The following TBX15 variants were observed in gnomAD, a reference collection of about 807,000 sequenced individuals.
TBX15 encodes T-box transcription factor 15.
Under a neutral mutation model 53.9 loss-of-function variants are expected in TBX15, and 18 were observed. The ratio of observed to expected loss-of-function variants is 0.33; its 90% CI spans 0.23 to 0.49. TBX15 has a LOEUF of 0.49. Ranked by LOEUF, TBX15 falls within the 20% of genes least tolerant of loss-of-function variation. TBX15 has a pLI of 0.98. For missense variants in TBX15, 692 were observed against 749.5 expected, an observed-to-expected ratio of 0.92 and a Z score of 0.90; for synonymous variants, 295 against 278.0, an observed-to-expected ratio of 1.06 and a Z score of -0.61.
chr1:118,973,420 G>A (rs1657302795), intron 1 of TBX15, among the ~76,000 whole-genome samples: 1 of 151,312 alleles, frequency 6.6e-6, no homozygotes, highest in Admixed American at 6.6e-5. Context: ...ACACTACAGG[G>A]TTAGTACTCA....
intron 1 of TBX15, among the ~76,000 whole-genome samples, chr1:118,942,556 C>A (rs1410568141): frequency 6.6e-6 from 1 of 152,044 alleles, no homozygotes; most frequent in East Asian, 1.9e-4. Flanking sequence ...CAATGAAATC[C>A]CTATTAAGTC....
intron 1 of TBX15, among the ~76,000 whole-genome samples, chr1:118,961,659 T>A (rs1656876684): frequency 6.6e-6 from 1 of 152,178 alleles, no homozygotes. Flanking sequence ...GAAAAGTGAT[T>A]TGCTCAAAAT....
intron 1 of TBX15, among the ~76,000 whole-genome samples, chr1:118,982,217 A>C (rs553212692): frequency 8.5e-5 from 13 of 152,228 alleles, no homozygotes; most frequent in Non-Finnish European, 1.9e-4. Context: ...GCTTTAAAAA[A>C]CAAAAAACAA....
Position 118,904,979 on chromosome 1 carries a change from G to A in TBX15, c.927-5854C>T, listed in dbSNP as rs1012124773. Among the ~76,000 whole-genome samples, 8 of 152,186 alleles carry A rather than the reference G, an allele frequency of 5.3e-5. No homozygotes were observed. The South Asian group carries it at 1.2e-3, about 24-fold the overall frequency. ...AATCATAATACTTCCTCCTAACTGT[G>A]ATTTAATAAATGCAGACTGATTAAA... is the stretch of plus-strand genomic sequence containing the variant. On this transcript the variant is annotated intron_variant, in intron 6 of 7. Coordinates refer to ENST00000369429, the MANE Select transcript of TBX15 (RefSeq NM_001330677.2).
Position 118,968,830 on chromosome 1 carries a change from T to C in TBX15, c.205+18761A>G, listed in dbSNP as rs373927718. 1.8e-4 allele frequency among the ~76,000 whole-genome samples: 27 copies of C among 152,198 alleles called. No homozygotes were observed. The South Asian group carries it at 5.6e-3, about 32-fold the overall frequency. Reference sequence around the variant, plus strand: ...GAGCCAGGCACAGGGAGCTTCCCTGTTTACCTAGACCCTCTTTTTGAGGAG... The same window carrying C: ...GAGCCAGGCACAGGGAGCTTCCCTGCTTACCTAGACCCTCTTTTTGAGGAG... On this transcript the variant is annotated intron_variant, in intron 1 of 7. Coordinates refer to ENST00000369429, the MANE Select transcript of TBX15 (RefSeq NM_001330677.2).
intron 1 of TBX15, among the ~76,000 whole-genome samples, chr1:118,934,000 A>G (rs1330998761): frequency 1.3e-5 from 2 of 152,148 alleles, no homozygotes; most frequent in Non-Finnish European, 2.9e-5. Context: ...ACACTAAGAG[A>G]TAAGTATTAA....
At chr1:118,926,325 G>T (rs571156726) in intron 3 of TBX15, among the ~76,000 whole-genome samples, 185 bp downstream of exon 3, 7 of 152,124 alleles carry the variant, frequency 4.6e-5, no homozygotes, top group Admixed American at 6.5e-5. Context: ...AGAGACACAG[G>T]GGGGAATCCC....
intron 1 of TBX15, among the ~76,000 whole-genome samples, chr1:118,939,438 A>AAAAAAAAAAAAAAAAAAAAAAAC (rs1322098738): frequency 1.4e-5 from 1 of 71,124 alleles, no homozygotes; most frequent in Non-Finnish European, 2.7e-5. Flanking sequence ...AAAAAAAAAC[A>AAAAAAAAAAAAAAAAAAAAAAAC]AAAACAGGAA....
At chr1:118,965,710 C>T (rs548469544) in intron 1 of TBX15, among the ~76,000 whole-genome samples, 2 of 152,270 alleles carry the variant, frequency 1.3e-5, no homozygotes, top group Non-Finnish European at 2.9e-5. Context: ...GAAAGATCCA[C>T]ACGATGGAAT....
intron 1 of TBX15, among the ~76,000 whole-genome samples, chr1:118,940,382 C>A (rs76843091): frequency 0.014 from 2,189 of 152,024 alleles, 84 homozygotes; most frequent in African/African-American, 0.051. Context: ...ATGTGACAGA[C>A]ACTGAAGATC....
At chr1:118,885,553 C>CA in intron 7 of TBX15, 37 bp from the exon 8 acceptor site, 1 of 1,551,194 alleles carries the variant, frequency 6.4e-7, no homozygotes, top group African/African-American at 1.4e-5. Context: ...GAGACAGAGT[C>CA]TTTTAAGATG....
intron 7 of TBX15, among the ~76,000 whole-genome samples, chr1:118,897,605 C>G (rs995922766): frequency 6.6e-6 from 1 of 152,140 alleles, no homozygotes; most frequent in East Asian, 1.9e-4. Flanking sequence ...AAAATTATCC[C>G]TCTTTTGTAG....
At chr1:118,978,838 C>CA (rs771163581) in intron 1 of TBX15, among the ~76,000 whole-genome samples, 13 of 152,086 alleles carry the variant, frequency 8.5e-5, no homozygotes, top group Non-Finnish European at 1.8e-4. Context: ...CCTTTGATGC[C>CA]AAAAAATATC....
At chr1:118,901,071 C>A (rs899797489) in intron 6 of TBX15, among the ~76,000 whole-genome samples, 7 of 152,114 alleles carry the variant, frequency 4.6e-5, no homozygotes, top group Non-Finnish European at 1.0e-4. Context: ...TGATACACTG[C>A]CAATATTTTA....
At chr1:118,952,745 C>A (rs2101659318) in intron 1 of TBX15, among the ~76,000 whole-genome samples, 1 of 152,282 alleles carries the variant, frequency 6.6e-6, no homozygotes, top group Non-Finnish European at 1.5e-5. Context: ...ATAATAGTAA[C>A]TCTTTGACTC....
chr1:118,900,703 T>C (rs557353576), intron 6 of TBX15, among the ~76,000 whole-genome samples: 2 of 152,288 alleles, frequency 1.3e-5, no homozygotes, highest in African/African-American at 2.4e-5. Context: ...TTGAATACAG[T>C]ACATGAAACT....
chr1:118,928,675 G>A (rs1655678532), intron 2 of TBX15, among the ~76,000 whole-genome samples: 1 of 152,140 alleles, frequency 6.6e-6, no homozygotes, highest in Non-Finnish European at 1.5e-5. Flanking sequence ...CACCTAGAGA[G>A]GCTGTATTAC....
chr1:118,977,333 G>A (rs996259073), intron 1 of TBX15, among the ~76,000 whole-genome samples: 5 of 151,940 alleles, frequency 3.3e-5, no homozygotes, highest in African/African-American at 1.2e-4. Context: ...CTGGCACAGA[G>A]TGCCTATTTA....
At chr1:118,898,932 A>G in intron 7 of TBX15, 96 bp downstream of exon 7, 1 of 1,232,184 alleles carries the variant, frequency 8.1e-7, no homozygotes, top group Non-Finnish European at 1.2e-6. Context: ...GGTATAACCC[A>G]TATCTTGGCC....
Sources: gnomAD v4.1 joint callset for allele counts (sites outside exome capture counted in the v4.1 genomes callset) on GRCh38, gnomAD v4.1.1 for gene constraint, MANE v1.5 for transcripts, NCBI Gene and HGNC (gene_info 2026-07-23, HGNC 2026-07-21) for gene names.